The following EBF1 variants were observed in gnomAD, a reference collection of about 807,000 sequenced individuals.
EBF1 encodes the protein transcription factor COE1.
A neutral mutation model predicts 68.4 loss-of-function variants in EBF1; 10 were observed. The observed-to-expected ratio is 0.15, with a 90% confidence interval of 0.09 to 0.25. EBF1 has a LOEUF of 0.25. Among genes scored for constraint, EBF1 ranks in the 10% least tolerant of loss-of-function variants. The pLI is 1.00. For missense variants in EBF1, 509 were observed against 794.4 expected, an observed-to-expected ratio of 0.64 and a Z score of 4.32; for synonymous variants, 298 against 299.8, an observed-to-expected ratio of 0.99 and a Z score of 0.06.
chr5:158,742,939 G>T (rs1438532250), intron 10 of EBF1, among the ~76,000 whole-genome samples: 2 of 152,072 alleles, frequency 1.3e-5, no homozygotes, highest in South Asian at 2.1e-4. Flanking sequence ...AAAATTGCAG[G>T]CTTGCTGTAT....
rs1384446562 is a variant in EBF1, at chr5:158,767,576, C to T, written c.1036+9837G>A. On this transcript the variant is annotated intron_variant, in intron 10 of 15. Transcript: ENST00000313708. ...TGAGTTTTTTGGTGTTAAAAATAGG[C>T]TAATAATAGGGCTTGTCTTACACAG... 2.7e-5 allele frequency among the ~76,000 whole-genome samples: 4 copies of T among 146,508 alleles called. No individual in the cohort carries two copies. The East Asian group carries it at 8.3e-4, about 30-fold the overall frequency.
At chr5:158,824,244 G>T (rs763026914) in intron 7 of EBF1, among the ~76,000 whole-genome samples, 1 of 152,156 alleles carries the variant, frequency 6.6e-6, no homozygotes, top group African/African-American at 2.4e-5. Flanking sequence ...CAATCAGCCC[G>T]CTCCCGTTTA....
chr5:158,825,867 C>A (rs1785992455), intron 7 of EBF1, among the ~76,000 whole-genome samples: 1 of 151,474 alleles, frequency 6.6e-6, no homozygotes, highest in East Asian at 1.9e-4. Context: ...TGGAAATATT[C>A]AGGATATATT....
intron 6 of EBF1, among the ~76,000 whole-genome samples, chr5:158,964,202 A>G (rs547436942): frequency 1.3e-5 from 2 of 152,214 alleles, no homozygotes; most frequent in Admixed American, 6.5e-5. Flanking sequence ...GTGAGTGTGC[A>G]TCAGTGCAAA....
intron 8 of EBF1, among the ~76,000 whole-genome samples, chr5:158,809,368 C>G (rs1231421396): frequency 6.6e-6 from 1 of 152,074 alleles, no homozygotes; most frequent in Non-Finnish European, 1.5e-5. Flanking sequence ...TTAAAACACC[C>G]AAACTACGCT....
At chr5:158,952,057 T>A (rs1219023672) in intron 6 of EBF1, among the ~76,000 whole-genome samples, 1 of 152,186 alleles carries the variant, frequency 6.6e-6, no homozygotes, top group Non-Finnish European at 1.5e-5. Flanking sequence ...ATAAAGGTCA[T>A]ATCTCCTAAC....
intron 6 of EBF1, among the ~76,000 whole-genome samples, chr5:158,952,369 T>C (rs1816207313): frequency 6.6e-6 from 1 of 152,142 alleles, no homozygotes; most frequent in African/African-American, 2.4e-5. Flanking sequence ...GTGACTGAGA[T>C]GGTGAATGGA....
intron 8 of EBF1, among the ~76,000 whole-genome samples, chr5:158,799,389 T>A (rs1780169522): frequency 6.6e-6 from 1 of 151,856 alleles, no homozygotes; most frequent in Non-Finnish European, 1.5e-5. Flanking sequence ...ACCACTGTAC[T>A]CCAGACAGAG....
Position 159,099,363 on chromosome 5 carries a change from G to T in EBF1, c.116C>A (p.Ala39Asp). The stretch of plus-strand genomic sequence containing the variant: ...TACCCACCTCTGCGCCGCCGTGTTG[G>T]CGTCCAGCACCCCGGCGCCCTGCAT... Reference protein sequence around the residue: ...TWMQGAGVLDANTAAQSGVGL... With the variant: ...TWMQGAGVLDDNTAAQSGVGL... Residue 39 changes from alanine (A) to aspartate (D), a missense_variant, in exon 1 of 16, where the codon GCC becomes GAC. Transcript: ENST00000313708. 6.3e-7 allele frequency: 1 copy of T among 1,590,554 alleles called. No individual in the cohort carries two copies. The highest frequency in any genetic ancestry group is 8.5e-7 in the Non-Finnish European group (1 of 1,169,728).
chr5:159,034,605 T>C (rs1392489513), intron 6 of EBF1, among the ~76,000 whole-genome samples: 2 of 152,184 alleles, frequency 1.3e-5, no homozygotes, highest in African/African-American at 2.4e-5. Flanking sequence ...GAGTATTTTA[T>C]ATTTATTTTA....
At chr5:158,774,264 C>T (rs1774564416) in intron 10 of EBF1, among the ~76,000 whole-genome samples, 1 of 152,072 alleles carries the variant, frequency 6.6e-6, no homozygotes, top group South Asian at 2.1e-4. Context: ...AGCCAGCTTG[C>T]AGGCAATCTG....
chr5:158,949,334 C>T (rs1366129721), intron 6 of EBF1, among the ~76,000 whole-genome samples: 2 of 152,092 alleles, frequency 1.3e-5, no homozygotes, highest in East Asian at 1.9e-4. Flanking sequence ...TCCTTTAAAA[C>T]GTTTTCATTA....
At chr5:159,049,182 T>G (rs936849580) in intron 6 of EBF1, among the ~76,000 whole-genome samples, 1 of 152,210 alleles carries the variant, frequency 6.6e-6, no homozygotes, top group African/African-American at 2.4e-5. Flanking sequence ...GCTTCTGATT[T>G]AAAGCTAAAC....
chr5:158,938,073 C>T (rs538429764), intron 6 of EBF1, among the ~76,000 whole-genome samples: 3 of 152,310 alleles, frequency 2.0e-5, no homozygotes, highest in South Asian at 4.1e-4. Context: ...GCTCAAGTGC[C>T]TTGGTCTTTG....
intron 6 of EBF1, among the ~76,000 whole-genome samples, chr5:158,878,407 G>C (rs563710195): frequency 6.6e-6 from 1 of 152,100 alleles, no homozygotes; most frequent in African/African-American, 2.4e-5. Flanking sequence ...GGTTTCTGGT[G>C]TTATGACTTC....
At chr5:158,975,352 A>G (rs891319671) in intron 6 of EBF1, among the ~76,000 whole-genome samples, 3 of 152,222 alleles carry the variant, frequency 2.0e-5, no homozygotes, top group Non-Finnish European at 4.4e-5. Context: ...AGACAAGAAA[A>G]CAAAAGACTT....
chr5:158,838,184 G>A (rs1002367177), intron 7 of EBF1, among the ~76,000 whole-genome samples: 2 of 152,082 alleles, frequency 1.3e-5, no homozygotes, highest in African/African-American at 4.8e-5. Context: ...AGTGGCTCAC[G>A]CCTGTAATTC....
At chr5:158,896,479 A>T (rs906019529) in intron 6 of EBF1, among the ~76,000 whole-genome samples, 1 of 152,198 alleles carries the variant, frequency 6.6e-6, no homozygotes, top group African/African-American at 2.4e-5. Flanking sequence ...ACTGTTTTTC[A>T]TAATTCTCTA....
intron 10 of EBF1, among the ~76,000 whole-genome samples, chr5:158,771,236 G>A (rs182623300): frequency 6.6e-6 from 1 of 152,002 alleles, no homozygotes; most frequent in East Asian, 1.9e-4. Context: ...TTACTTTTGG[G>A]GAGCACTCAT....
Sources: gnomAD v4.1 joint callset for allele counts (sites outside exome capture counted in the v4.1 genomes callset) on GRCh38, gnomAD v4.1.1 for gene constraint, MANE v1.5 for transcripts, NCBI Gene and HGNC (gene_info 2026-07-23, HGNC 2026-07-21) for gene names.